UBTD2: variants seen among roughly 807,000 people sequenced by gnomAD.
The protein encoded by UBTD2 is ubiquitin domain containing 2, also known as ubiquitin domain-containing protein 2.
In UBTD2, 9 loss-of-function variants were observed where a neutral mutation model predicts 19.8. The observed-to-expected ratio is 0.46, with a 90% CI of 0.27 to 0.79. UBTD2 has a LOEUF of 0.79. Among genes scored for constraint, UBTD2 ranks in the 30% least tolerant of loss-of-function variants. The probability of loss-of-function intolerance (pLI) is 0.14; values close to 1 mark genes in which losing one functional copy is unlikely to be tolerated. For synonymous variants in UBTD2, 98 were observed against 103.9 expected, an observed-to-expected ratio of 0.94 and a Z score of 0.35; for missense variants, 250 against 300.4, an observed-to-expected ratio of 0.83 and a Z score of 1.24.
chr5:172,279,959 G>A (rs1475862758), intron 1 of UBTD2, among the ~76,000 whole-genome samples: 1 of 152,114 alleles, frequency 6.6e-6, no homozygotes, highest in East Asian at 1.9e-4. Context: ...AAATTAGCCA[G>A]GCACGGTGGC....
At chr5:172,253,763 A>T (rs959509202) in intron 1 of UBTD2, among the ~76,000 whole-genome samples, 2 of 136,876 alleles carry the variant, frequency 1.5e-5, no homozygotes, top group African/African-American at 5.5e-5. Context: ...CAACCCAATG[A>T]ATTCTTAAAT....
At chr5:172,262,233 T>G (rs1755283520) in intron 1 of UBTD2, among the ~76,000 whole-genome samples, 1 of 151,448 alleles carries the variant, frequency 6.6e-6, no homozygotes, top group Non-Finnish European at 1.5e-5. Flanking sequence ...GTGGATCACT[T>G]GAGGTAAGGA....
At chr5:172,275,266 T>C (rs1422280931) in intron 1 of UBTD2, among the ~76,000 whole-genome samples, 1 of 152,068 alleles carries the variant, frequency 6.6e-6, no homozygotes, top group Non-Finnish European at 1.5e-5. Context: ...AAGAACAGCA[T>C]GGAGGTAACC....
At chr5:172,227,659 A>G (rs1309513158) in intron 2 of UBTD2, among the ~76,000 whole-genome samples, 1 of 146,342 alleles carries the variant, frequency 6.8e-6, no homozygotes, top group Non-Finnish European at 1.5e-5. Context: ...CTGGGATTAT[A>G]GGCGTGAGCC....
intron 1 of UBTD2, among the ~76,000 whole-genome samples, chr5:172,242,110 C>G (rs1312068152): frequency 6.6e-6 from 1 of 152,182 alleles, no homozygotes; most frequent in East Asian, 1.9e-4. Context: ...GCAATGGCTC[C>G]CCCTTTGCCT....
chr5:172,229,223 G>C (rs896357450), intron 2 of UBTD2, among the ~76,000 whole-genome samples: 2 of 151,706 alleles, frequency 1.3e-5, no homozygotes, highest in Non-Finnish European at 2.9e-5. Context: ...GCTTTTGGCC[G>C]GGCGCGGTGG....
At chr5:172,269,101 A>G (rs1755432222) in intron 1 of UBTD2, among the ~76,000 whole-genome samples, 1 of 152,234 alleles carries the variant, frequency 6.6e-6, no homozygotes, top group South Asian at 2.1e-4. Flanking sequence ...ATATATAAAT[A>G]TGACAAAATA....
intron 1 of UBTD2, among the ~76,000 whole-genome samples, chr5:172,278,835 C>T (rs970193886): frequency 3.4e-4 from 51 of 152,168 alleles, no homozygotes; most frequent in African/African-American, 1.2e-3. Flanking sequence ...AGTGCAATGG[C>T]GTGATCCTGG....
intron 1 of UBTD2, among the ~76,000 whole-genome samples, chr5:172,282,490 A>C (rs1451369741): frequency 6.6e-6 from 1 of 152,210 alleles, no homozygotes; most frequent in African/African-American, 2.4e-5. Context: ...TGGTTTGTGA[A>C]GAGAGCTTAA....
At chr5:172,269,029 T>C (rs973769621) in intron 1 of UBTD2, among the ~76,000 whole-genome samples, 10 of 152,130 alleles carry the variant, frequency 6.6e-5, no homozygotes, top group Non-Finnish European at 1.2e-4. Flanking sequence ...ATGATGTCTA[T>C]ATTCACTTTC....
intron 1 of UBTD2, among the ~76,000 whole-genome samples, chr5:172,281,042 T>G (rs1417455513): frequency 1.3e-5 from 2 of 152,200 alleles, no homozygotes; most frequent in African/African-American, 4.8e-5. Context: ...ATGGTGATGT[T>G]TGCACAACAC....
chr5:172,255,140 A>G (rs1755111662), intron 1 of UBTD2: 1 of 468,232 alleles, frequency 2.1e-6, no homozygotes, highest in South Asian at 1.9e-5. Flanking sequence ...GGGCTGGAAG[A>G]AGGCATGCTC....
intron 1 of UBTD2, among the ~76,000 whole-genome samples, chr5:172,244,701 C>T (rs1291532721): frequency 3.3e-5 from 5 of 151,942 alleles, no homozygotes; most frequent in South Asian, 4.1e-4. Flanking sequence ...CAAAAACCTG[C>T]GAAGTGAGGG....
chr5:172,281,498 G>A (rs1315021862), intron 1 of UBTD2, among the ~76,000 whole-genome samples: 2 of 152,036 alleles, frequency 1.3e-5, no homozygotes, highest in African/African-American at 2.4e-5. Context: ...AACCTGTCTC[G>A]AGAAACCAAA....
intron 2 of UBTD2, among the ~76,000 whole-genome samples, chr5:172,227,188 G>A (rs1269071668): frequency 6.6e-6 from 1 of 152,088 alleles, no homozygotes; most frequent in Non-Finnish European, 1.5e-5. Flanking sequence ...ATAAAAAGGA[G>A]GTCTTTTTCA....
chr5:172,245,382 C>T (rs980314776), intron 1 of UBTD2, among the ~76,000 whole-genome samples: 2 of 152,074 alleles, frequency 1.3e-5, no homozygotes, highest in African/African-American at 4.8e-5. Flanking sequence ...TTGAACTGAC[C>T]CAAGTTCCAC....
intron 1 of UBTD2, chr5:172,254,519 C>A: frequency 1.7e-6 from 1 of 574,642 alleles, no homozygotes; most frequent in South Asian, 2.0e-5. Flanking sequence ...GAGCAAACGT[C>A]CATGTGCATC....
At chr5:172,248,940 G>C (rs919728125) in intron 1 of UBTD2, among the ~76,000 whole-genome samples, 1 of 149,848 alleles carries the variant, frequency 6.7e-6, no homozygotes, top group Non-Finnish European at 1.5e-5. Flanking sequence ...CCTGTCTTGG[G>C]GGGGAAGAAA....
At chr5:172,243,949 C>T (rs553140365) in intron 1 of UBTD2, among the ~76,000 whole-genome samples, 7 of 152,042 alleles carry the variant, frequency 4.6e-5, no homozygotes, top group Admixed American at 2.0e-4. Context: ...AGAATGACTC[C>T]GGAGGCAAAT....
Sources: allele counts gnomAD v4.1 joint callset (sites outside exome capture counted in the v4.1 genomes callset), GRCh38; gene constraint gnomAD v4.1.1; transcripts MANE v1.5; gene names NCBI Gene and HGNC (gene_info 2026-07-23, HGNC 2026-07-21).